The following ATG10 variants were observed in gnomAD, a reference collection of about 807,000 sequenced individuals.
ATG10 encodes autophagy related 10.
Under a neutral mutation model 32.1 loss-of-function variants are expected in ATG10, and 30 were observed. The observed-to-expected ratio is 0.94, with a 90% CI of 0.70 to 1.27. The LOEUF (loss-of-function observed/expected upper bound fraction) is 1.27. ATG10 is among the 50% of genes most tolerant of loss of function. The pLI is 0.00. For missense variants in ATG10, 233 were observed against 262.3 expected, an observed-to-expected ratio of 0.89 and a Z score of 0.77; for synonymous variants, 87 against 91.5, an observed-to-expected ratio of 0.95 and a Z score of 0.28.
At chr5:82,039,911 A>C (rs1425378766) in intron 2 of ATG10, among the ~76,000 whole-genome samples, 1 of 152,186 alleles carries the variant, frequency 6.6e-6, no homozygotes, top group Non-Finnish European at 1.5e-5. Flanking sequence ...TTCACTTGGC[A>C]GCTGGGCTGG....
intron 3 of ATG10, among the ~76,000 whole-genome samples, chr5:82,125,791 G>GT (rs1309106296): frequency 1.3e-5 from 2 of 152,078 alleles, no homozygotes; most frequent in Non-Finnish European, 2.9e-5. Context: ...ATTTAAAGTA[G>GT]TTTTTTCTAA....
At chr5:82,191,761 G>T (rs1202312700) in intron 5 of ATG10, among the ~76,000 whole-genome samples, 1 of 152,088 alleles carries the variant, frequency 6.6e-6, no homozygotes, top group African/African-American at 2.4e-5. Context: ...AACCCCTTTT[G>T]AGAATATCAG....
At chr5:82,136,063 T>C (rs763908664) in intron 3 of ATG10, among the ~76,000 whole-genome samples, 9 of 152,334 alleles carry the variant, frequency 5.9e-5, no homozygotes, top group Middle Eastern at 3.4e-3. Flanking sequence ...GTTTTTTTGC[T>C]TTCCATTTGC....
chr5:82,145,288 C>T (rs191574803), intron 3 of ATG10, among the ~76,000 whole-genome samples: 1 of 152,130 alleles, frequency 6.6e-6, no homozygotes, highest in African/African-American at 2.4e-5. Flanking sequence ...ATTTTATTAA[C>T]TTTTTCTGTT....
intron 3 of ATG10, among the ~76,000 whole-genome samples, chr5:82,103,098 T>C (rs1406093255): frequency 6.6e-6 from 1 of 152,190 alleles, no homozygotes; most frequent in East Asian, 1.9e-4. Flanking sequence ...AACTTTCTTC[T>C]ACCACTTTTT....
At chr5:82,189,099 C>T (rs1423641688) in intron 5 of ATG10, among the ~76,000 whole-genome samples, 1 of 152,156 alleles carries the variant, frequency 6.6e-6, no homozygotes, top group Non-Finnish European at 1.5e-5. Context: ...TGCAGTGTTA[C>T]TTCCCTTAGT....
chr5:82,074,685 C>G (rs1190042158), intron 3 of ATG10, among the ~76,000 whole-genome samples: 3 of 152,172 alleles, frequency 2.0e-5, no homozygotes, highest in Non-Finnish European at 2.9e-5. Flanking sequence ...TACCTAATCT[C>G]TGGTTGCTCC....
At chr5:82,092,819 G>A (rs1470149602) in intron 3 of ATG10, among the ~76,000 whole-genome samples, 1 of 152,068 alleles carries the variant, frequency 6.6e-6, no homozygotes, top group East Asian at 1.9e-4. Flanking sequence ...CATTGCAAAG[G>A]GAATACAAAC....
intron 1 of ATG10, among the ~76,000 whole-genome samples, chr5:81,977,480 C>T (rs1760902906): frequency 6.6e-6 from 1 of 152,186 alleles, no homozygotes; most frequent in Non-Finnish European, 1.5e-5. Context: ...AATATGATCC[C>T]ATTTATTTCC....
intron 3 of ATG10, among the ~76,000 whole-genome samples, chr5:82,059,806 G>C (rs1050384453): frequency 1.3e-5 from 2 of 152,106 alleles, no homozygotes; most frequent in African/African-American, 4.8e-5. Flanking sequence ...AGTTATTCTT[G>C]AGAGTATTGT....
intron 4 of ATG10, 117 bp from the exon 5 acceptor site, chr5:82,178,373 A>G (rs1744110736): frequency 3.1e-6 from 2 of 650,074 alleles, no homozygotes; most frequent in Admixed American, 2.5e-5. Flanking sequence ...TATAAATAGC[A>G]TGTGCACTGA....
chr5:82,045,046 G>A (rs1054588831), intron 2 of ATG10, among the ~76,000 whole-genome samples: 44 of 152,100 alleles, frequency 2.9e-4, no homozygotes, highest in Admixed American at 2.6e-4. Flanking sequence ...CTGTAGTGTG[G>A]CCTAGAAACT....
chr5:82,059,502 A>T (rs901970866), intron 3 of ATG10, among the ~76,000 whole-genome samples: 2 of 151,604 alleles, frequency 1.3e-5, no homozygotes, highest in Non-Finnish European at 2.9e-5. Context: ...CCTCCATTGC[A>T]TTCCATCCTA....
intron 5 of ATG10, among the ~76,000 whole-genome samples, chr5:82,197,446 A>G (rs188621209): frequency 1.2e-4 from 17 of 140,224 alleles, no homozygotes; most frequent in Admixed American, 1.1e-3. Flanking sequence ...CTATCTATCT[A>G]TCTATCTGTC....
chr5:82,204,107 G>A (rs961802187), intron 5 of ATG10, among the ~76,000 whole-genome samples: 2 of 152,084 alleles, frequency 1.3e-5, no homozygotes, highest in African/African-American at 4.8e-5. Flanking sequence ...ACACCATAAG[G>A]GTAAAAGTGA....
chr5:82,178,859 T>A (rs1744132185), intron 5 of ATG10, among the ~76,000 whole-genome samples: 1 of 152,142 alleles, frequency 6.6e-6, no homozygotes, highest in African/African-American at 2.4e-5. Flanking sequence ...TTTAAAAAAA[T>A]TGATGTCTGT....
At chr5:81,985,268 T>G (rs973024654) in intron 1 of ATG10, among the ~76,000 whole-genome samples, 2 of 152,232 alleles carry the variant, frequency 1.3e-5, no homozygotes, top group Admixed American at 1.3e-4. Flanking sequence ...TGATTTGGTA[T>G]CTTTCAGTAT....
At chr5:82,163,866 G>C (rs543441216) in intron 3 of ATG10, among the ~76,000 whole-genome samples, 8 of 152,294 alleles carry the variant, frequency 5.3e-5, no homozygotes, top group Non-Finnish European at 1.0e-4. Flanking sequence ...GAAGAAAACA[G>C]AATCATCTCA....
intron 5 of ATG10, among the ~76,000 whole-genome samples, chr5:82,214,673 A>G (rs1745609018): frequency 6.6e-6 from 1 of 152,212 alleles, no homozygotes; most frequent in Non-Finnish European, 1.5e-5. Flanking sequence ...GCAGCAGGGA[A>G]TAATTTTTCA....
Sources: gnomAD v4.1 joint callset for allele counts (sites outside exome capture counted in the v4.1 genomes callset) on GRCh38, gnomAD v4.1.1 for gene constraint, MANE v1.5 for transcripts, NCBI Gene and HGNC (gene_info 2026-07-23, HGNC 2026-07-21) for gene names.